Variants in ZC3H7B observed in about 807,000 individuals in gnomAD.
ZC3H7B encodes the protein zinc finger CCCH domain-containing protein 7B.
ZC3H7B carries 35 observed loss-of-function variants against 116.0 expected under a neutral mutation model. The observed-to-expected ratio is 0.30, with a 90% CI of 0.23 to 0.40. ZC3H7B has a LOEUF of 0.40. Among genes scored for constraint, ZC3H7B ranks in the 10% least tolerant of loss-of-function variants. The pLI is 1.00. For synonymous variants in ZC3H7B, 502 were observed against 545.6 expected, an observed-to-expected ratio of 0.92 and a Z score of 1.11; for missense variants, 1,011 against 1,321.5, an observed-to-expected ratio of 0.77 and a Z score of 3.64.
intron 2 of ZC3H7B, 145 bp from the exon 3 acceptor site, chr22:41,325,419 A>C: frequency 9.3e-7 from 1 of 1,073,706 alleles, no homozygotes; most frequent in Non-Finnish European, 1.4e-6. Flanking sequence ...CCTGCATGGC[A>C]ATGATTTAGG....
At position 41,320,671 on chromosome 22, in the gene ZC3H7B, A is replaced by G; in HGVS notation, c.11A>G (p.Gln4Arg). The G allele has an allele frequency of 5.0e-6, 8 of 1,613,428 alleles. No individual in the cohort carries two copies. Among genetic ancestry groups the G allele is most frequent in the Non-Finnish European group, 6.8e-6 (8 of 1,179,540 alleles). Reference protein sequence around the residue: MERQKRKADIEKGL... With the variant: MERRKRKADIEKGL... The stretch of plus-strand genomic sequence containing the variant: ...CTTCCCCAGAGACTGATGGAGAGGC[A>G]GAAACGGAAGGCGGACATCGAGAAA... The change falls in exon 2 of 23, where the codon CAG (glutamine) becomes CGG (arginine). Residue 4 changes from glutamine to arginine, a missense_variant. By Grantham distance (43) the Gln-to-Arg change is conservative. This residue lies in a region of ZC3H7B where 322 missense variants were observed against 443.9 expected (regional missense o/e 0.73). Transcript: ENST00000352645.
intron 1 of ZC3H7B, among the ~76,000 whole-genome samples, chr22:41,307,140 AT>A (rs1408906710): frequency 6.6e-6 from 1 of 150,500 alleles, no homozygotes; most frequent in Non-Finnish European, 1.5e-5. Flanking sequence ...CACCTGGCTA[AT>A]TTTTTTTTGT....
At chr22:41,343,603 G>C (rs1256063154) in intron 13 of ZC3H7B, 27 bp downstream of exon 13, 1 of 1,563,180 alleles carries the variant, frequency 6.4e-7, no homozygotes, top group African/African-American at 1.3e-5. Context: ...GGGGCAGGCA[G>C]CACAGCTGGG....
chr22:41,339,015 C>T lies in ZC3H7B; in HGVS notation c.640C>T (p.Pro214Ser). The T allele has an allele frequency of 6.3e-7, 1 of 1,590,652 alleles. No homozygotes were observed. Among genetic ancestry groups the T allele is most frequent in the Non-Finnish European group, 8.6e-7 (1 of 1,166,262 alleles). The change falls in exon 9 of 23, where the codon CCT becomes TCT. Residue 214 changes from proline (P) to serine (S), a missense_variant. Physicochemically the swap from Pro to Ser is moderately conservative, Grantham distance 74 (BLOSUM62 -1). Around this residue, in one of 5 missense-constraint regions of ZC3H7B, gnomAD observed 322 missense variants for 443.9 expected, o/e 0.73. Coordinates refer to ENST00000352645, the MANE Select transcript of ZC3H7B (RefSeq NM_017590.6). Reference protein sequence around the residue: ...DDIETDCYVDPRGSPALLPST... With the variant: ...DDIETDCYVDSRGSPALLPST... The stretch of plus-strand genomic sequence containing the variant: ...CCCATCCGCAGACTGCTACGTGGAC[C>T]CTCGAGGCTCCCCAGCCCTTCTCCC...
At chr22:41,324,302 C>T (rs1483442904) in intron 2 of ZC3H7B, among the ~76,000 whole-genome samples, 1 of 152,164 alleles carries the variant, frequency 6.6e-6, no homozygotes, top group African/African-American at 2.4e-5. Flanking sequence ...ACTGGGGACA[C>T]CTTCCACACG....
intron 13 of ZC3H7B, among the ~76,000 whole-genome samples, chr22:41,344,418 C>T (rs568438994): frequency 2.6e-5 from 4 of 152,332 alleles, no homozygotes; most frequent in African/African-American, 4.8e-5. Context: ...AAGACCTACA[C>T]GTGCCCGTAT....
At position 41,356,380 on chromosome 22, in the gene ZC3H7B, A is replaced by G. The variant is rs747105645; in HGVS notation, c.2421A>G (p.Lys807=). 4.3e-6 allele frequency: 7 copies of G among 1,614,144 alleles called. No homozygotes were observed. In the South Asian group the frequency reaches 7.7e-5, roughly 18 times the overall value. The change falls in exon 21 of 23, where the codon AAA becomes AAG. Residue 807 remains lysine (K), a synonymous_variant. Coordinates refer to ENST00000352645, the MANE Select transcript of ZC3H7B (RefSeq NM_017590.6). Reference sequence around the variant, plus strand: ...AGCAGACCTATGACATGTGGCTGAAAAAACACAACCCAGGAAAGCCTGGAG... The same window carrying G: ...AGCAGACCTATGACATGTGGCTGAAGAAACACAACCCAGGAAAGCCTGGAG... ...DMQQTYDMWL[K]KHNPGKPGEG...
intron 1 of ZC3H7B, among the ~76,000 whole-genome samples, chr22:41,309,948 A>G (rs932102914): frequency 2.6e-5 from 4 of 152,016 alleles, no homozygotes; most frequent in Admixed American, 6.6e-5. Context: ...GCTCATGCCT[A>G]TAATCCCAGC....
intron 1 of ZC3H7B, among the ~76,000 whole-genome samples, chr22:41,309,610 C>T (rs908112515): frequency 6.6e-6 from 1 of 152,170 alleles, no homozygotes; most frequent in Non-Finnish European, 1.5e-5. Context: ...CCACCGCATC[C>T]GGCCCTAATG....
At chr22:41,336,736 C>T (rs542245855) in intron 7 of ZC3H7B, 1 of 151,858 alleles carries the variant, frequency 6.6e-6, no homozygotes, top group African/African-American at 2.4e-5. Flanking sequence ...CCCAGCTACT[C>T]AGGAGGCCGA....
chr22:41,348,085 C>G lies in ZC3H7B; in HGVS notation c.1684C>G (p.Pro562Ala). 6.2e-7 allele frequency: 1 copy of G among 1,613,978 alleles called. No homozygotes were observed. The change falls in exon 15 of 23, where the codon CCC becomes GCC. Residue 562 changes from proline to alanine, a missense_variant. Transcript: ENST00000352645. ...FLCEICFDSK[P>A]RIISKGTKDS... ...TGGGCAGATCTGCTTTGACAGTAAA[C>G]CCCGGATCATCAGCAAAGGCACCAA...
chr22:41,311,939 T>A (rs897234314), intron 1 of ZC3H7B, among the ~76,000 whole-genome samples: 1 of 152,224 alleles, frequency 6.6e-6, no homozygotes, highest in Non-Finnish European at 1.5e-5. Context: ...TGGAATTTAA[T>A]TAACTAATTT....
chr22:41,330,080 C>T lies in ZC3H7B; in HGVS notation c.502C>T (p.Arg168Cys). ...ELAQKLGLRV[R>C]KAYKRPQELE... ...GGCCCAGAAACTGGGGCTGCGAGTTCGCAAGGCGTATAAGAGGCCCCAGGT... is the reference window on the plus strand; with the variant it reads ...GGCCCAGAAACTGGGGCTGCGAGTTTGCAAGGCGTATAAGAGGCCCCAGGT... Residue 168 changes from arginine (R) to cysteine (C), a missense_variant, in exon 6 of 23, where the codon CGC (arginine) becomes TGC (cysteine). By Grantham distance (180) the Arg-to-Cys change is radical (BLOSUM62 -3). Around this residue, in one of 5 missense-constraint regions of ZC3H7B, gnomAD observed 322 missense variants for 443.9 expected, o/e 0.73. Coordinates refer to ENST00000352645, the MANE Select transcript of ZC3H7B (RefSeq NM_017590.6). The T allele has an allele frequency of 1.9e-6, 3 of 1,613,898 alleles. No homozygotes were observed. The highest frequency in any genetic ancestry group is 1.7e-6 in the Non-Finnish European group (2 of 1,179,982).
At chr22:41,318,221 G>C (rs559130178) in intron 1 of ZC3H7B, among the ~76,000 whole-genome samples, 1 of 152,148 alleles carries the variant, frequency 6.6e-6, no homozygotes, top group Admixed American at 6.6e-5. Context: ...GATCACTTGA[G>C]ACCAGGAGTT....
Position 41,357,291 on chromosome 22 carries a change from G to A in ZC3H7B, c.2796G>A (p.Lys932=). 6.2e-7 allele frequency: 1 copy of A among 1,613,862 alleles called. No homozygotes were observed. The highest frequency in any genetic ancestry group is 8.5e-7 in the Non-Finnish European group (1 of 1,179,992). Reference sequence around the variant, plus strand: ...AGGTGCTGAAGCAGAAGTTGGCCAAGGCTCGCAAGGACATGCTGCTGTGCC... The same window carrying A: ...AGGTGCTGAAGCAGAAGTTGGCCAAAGCTCGCAAGGACATGCTGCTGTGCC... ...RREVLKQKLA[K]ARKDMLLCPR... The change falls in exon 23 of 23, where the codon AAG becomes AAA. Residue 932 remains lysine, a synonymous_variant. Transcript: ENST00000352645. This position sits in a 1 kb window ranked among gnomAD's most constrained non-coding sequence, Gnocchi z 5.4.
At chr22:41,309,615 C>T (rs925249757) in intron 1 of ZC3H7B, among the ~76,000 whole-genome samples, 1 of 152,146 alleles carries the variant, frequency 6.6e-6, no homozygotes, top group Non-Finnish European at 1.5e-5. Context: ...GCATCCGGCC[C>T]TAATGTACTT....
Position 41,332,233 on chromosome 22 carries a change from A to G in ZC3H7B, c.582+6A>G. On this transcript the variant is annotated splice_donor_region_variant and intron_variant, in intron 7 of 22. Transcript: ENST00000352645. Reference sequence around the variant, plus strand: ...CGGCTGGCGTGGCAGATCAGGTAGGATCGGGGCTGAACCAACCTGTCTCAG... The same window carrying G: ...CGGCTGGCGTGGCAGATCAGGTAGGGTCGGGGCTGAACCAACCTGTCTCAG... 1 of 1,614,158 alleles carries G rather than the reference A, an allele frequency of 6.2e-7. No individual in the cohort carries two copies. Among genetic ancestry groups the G allele is most frequent in the South Asian group, 1.1e-5 (1 of 91,086 alleles).
rs748599668 is a variant in ZC3H7B at position 41,349,094 on chromosome 22, G to A, written c.1767-26G>A. ...TCAGAGGGGCTGCGGACTGCATCGT[G>A]CCCCTCCTGCCTGCCCGCCCGCCAG... On this transcript the variant is annotated intron_variant, in intron 15 of 22. Transcript: ENST00000352645. The surrounding 1 kb of genome is among the most constrained non-coding windows in gnomAD (Gnocchi z 4.9). The A allele has an allele frequency of 1.2e-6, 2 of 1,611,262 alleles. No individual in the cohort carries two copies. Among genetic ancestry groups the A allele is most frequent in the Non-Finnish European group, 1.7e-6 (2 of 1,179,042 alleles).
At position 41,327,322 on chromosome 22, in the gene ZC3H7B, G is replaced by A. The variant is rs762721549; in HGVS notation, c.402G>A (p.Glu134=). ...TCAATGAACTGGGACGCCACAAGGA[G>A]GCCTACGAGTGCAGCAGCCGGTGTT... ...RALNELGRHK[E]AYECSSRCSL... The change falls in exon 5 of 23, where the codon GAG becomes GAA. Residue 134 remains glutamate (E), a synonymous_variant. Coordinates refer to ENST00000352645, the MANE Select transcript of ZC3H7B (RefSeq NM_017590.6). This position sits in a 1 kb window ranked among gnomAD's most constrained non-coding sequence, Gnocchi z 4.5. 6.2e-7 allele frequency: 1 copy of A among 1,613,456 alleles called. No individual in the cohort carries two copies. The highest frequency in any genetic ancestry group is 1.1e-5 in the South Asian group (1 of 91,088).
Sources: gnomAD v4.1 joint callset for allele counts (sites outside exome capture counted in the v4.1 genomes callset) on GRCh38, gnomAD v4.1.1 for gene constraint, gnomAD v4.1.1 regional missense constraint, Gnocchi (gnomAD v3.1) non-coding constraint, MANE v1.5 for transcripts, NCBI Gene and HGNC (gene_info 2026-07-23, HGNC 2026-07-21) for gene names.